SLC38A7: variants seen among roughly 807,000 people sequenced by gnomAD.
The protein encoded by SLC38A7 is sodium-coupled neutral amino acid transporter 7.
SLC38A7 carries 29 observed loss-of-function variants against 50.1 expected under a neutral mutation model. The ratio of observed to expected loss-of-function variants is 0.58; its 90% CI spans 0.43 to 0.79. The LOEUF (loss-of-function observed/expected upper bound fraction) is 0.79, where lower values mean the gene tolerates loss of function less well. Among genes scored for constraint, SLC38A7 ranks in the 30% least tolerant of loss-of-function variants. The pLI is 0.00. For missense variants in SLC38A7, 483 were observed against 610.6 expected (o/e 0.79, Z 2.20); for synonymous variants, 244 against 245.9 (o/e 0.99, Z 0.07).
chr16:58,681,296 AC>A (rs1376685514), intron 2 of SLC38A7: 1 of 152,104 alleles, frequency 6.6e-6, no homozygotes, highest in African/African-American at 2.4e-5. Context: ...GGCCTGTCTG[AC>A]CATAGGGCAT....
intron 11 of SLC38A7, 77 bp from the exon 12 acceptor site, chr16:58,667,564 A>C: frequency 1.9e-6 from 2 of 1,075,004 alleles, no homozygotes; most frequent in Non-Finnish European, 2.6e-6. Flanking sequence ...TATAACTGTT[A>C]ATTACTGTAA....
intron 2 of SLC38A7, among the ~76,000 whole-genome samples, chr16:58,682,026 G>C (rs932781294): frequency 6.6e-6 from 1 of 152,088 alleles, no homozygotes; most frequent in Non-Finnish European, 1.5e-5. Flanking sequence ...GTGTGGTGGT[G>C]CACCCCTGTA....
At position 58,665,304 on chromosome 16, in the gene SLC38A7, T is replaced by G. The variant is rs536580745; in HGVS notation, c.*2081A>C. The G allele has an allele frequency of 6.6e-6, 1 of 152,554 alleles. No homozygotes were observed. The highest frequency in any genetic ancestry group is 1.9e-4 in the East Asian group (1 of 5,174). The allele number at this position is 152,554 out of a possible 1,614,324, so 9.5% of individuals were successfully genotyped here. On this transcript the variant is annotated 3_prime_UTR_variant, in exon 12 of 12. Coordinates refer to ENST00000219320, the MANE Select transcript of SLC38A7 (RefSeq NM_018231.3). ...TGTGCAATGACTCCACTTACATCCC[T>G]TGACCCCCGAAACACGGCACTGGGG...
chr16:58,667,398 T>G lies in SLC38A7; in HGVS notation c.1376A>C (p.Asp459Ala), dbSNP rs1597660179. 2 of 1,613,942 alleles carry G rather than the reference T, an allele frequency of 1.2e-6. No individual in the cohort carries two copies. The highest frequency in any genetic ancestry group is 1.3e-5 in the African/African-American group (1 of 75,012). Residue 459 changes from aspartate to alanine, a missense_variant, in exon 12 of 12, where the codon GAT (aspartate) becomes GCT (alanine). Physicochemically the swap from Asp to Ala is moderately radical, Grantham distance 126 (BLOSUM62 -2). Coordinates refer to ENST00000219320, the MANE Select transcript of SLC38A7 (RefSeq NM_018231.3). ...GGGAGGCAGTGGTTATGCCAAGAGA[T>G]CCACAAAGATGGCGTTGGCTGTGGT... Reference protein sequence around the residue: ...GQTTANAIFVDLLA With the variant: ...GQTTANAIFVALLA
chr16:58,676,498 G>C, intron 6 of SLC38A7, 152 bp from the exon 7 acceptor site: 1 of 794,158 alleles, frequency 1.3e-6, no homozygotes, highest in South Asian at 1.6e-5. Context: ...GGGAGAAGAG[G>C]CATCCTTATG....
Position 58,678,188 on chromosome 16 carries a change from C to T in SLC38A7, c.611+145G>A. 1 of 878,612 alleles carries T rather than the reference C, an allele frequency of 1.1e-6. No individual in the cohort carries two copies. Among genetic ancestry groups the T allele is most frequent in the Non-Finnish European group, 1.6e-6 (1 of 609,662 alleles). The allele number at this position is 878,612 out of a possible 1,614,324, so 54.4% of individuals were successfully genotyped here. On this transcript the variant is annotated intron_variant, in intron 5 of 11. Coordinates refer to ENST00000219320, the MANE Select transcript of SLC38A7 (RefSeq NM_018231.3). The surrounding 1 kb of genome is among the most constrained non-coding windows in gnomAD (Gnocchi z 4.0). ...AGAAAAGGATGGTCTTATCTGAAAC[C>T]CTGCAAGCCCCGGTCTGCCCTGCCT...
chr16:58,670,194 A>T, intron 10 of SLC38A7, 27 bp from the exon 11 acceptor site: 1 of 1,612,950 alleles, frequency 6.2e-7, no homozygotes, highest in Non-Finnish European at 8.5e-7. Flanking sequence ...GGCCCTGAGC[A>T]TTTGTGAGGG....
rs148567685 is a variant in SLC38A7, at chr16:58,671,218, C to T, written c.1058G>A (p.Arg353His). Reference protein sequence around the residue: ...GRAVVEGLWLRYQGVPVEEDV... With the variant: ...GRAVVEGLWLHYQGVPVEEDV... ...CTCCTCCACTGGCACCCCCTGGTAG[C>T]GCAGCCACAGGCCTTCCACCACCGC... is the stretch of plus-strand genomic sequence containing the variant. The change falls in exon 10 of 12, where the codon CGC becomes CAC. Residue 353 changes from arginine (R) to histidine (H), a missense_variant. Coordinates refer to ENST00000219320, the MANE Select transcript of SLC38A7 (RefSeq NM_018231.3). The T allele has an allele frequency of 8.1e-6, 13 of 1,613,740 alleles. No individual in the cohort carries two copies. Among genetic ancestry groups the T allele is most frequent in the East Asian group, 2.2e-5 (1 of 44,888 alleles).
intron 2 of SLC38A7, among the ~76,000 whole-genome samples, chr16:58,683,310 C>T (rs961372061): frequency 6.6e-6 from 1 of 152,170 alleles, no homozygotes; most frequent in Non-Finnish European, 1.5e-5. Context: ...CTAACAAGAC[C>T]CCTTGGACTA....
chr16:58,670,894 G>T, intron 10 of SLC38A7, 151 bp downstream of exon 10: 1 of 795,872 alleles, frequency 1.3e-6, no homozygotes, highest in Non-Finnish European at 2.1e-6. Flanking sequence ...ATAATGCTTG[G>T]ATAGGGGCTA....
chr16:58,681,872 C>G (rs1330565300), intron 2 of SLC38A7: 1 of 152,144 alleles, frequency 6.6e-6, no homozygotes, highest in Non-Finnish European at 1.5e-5. Flanking sequence ...AAACCAGAGC[C>G]TGGGCCGGGT....
At position 58,679,881 on chromosome 16, in the gene SLC38A7, C is replaced by T; in HGVS notation, c.246G>A (p.Val82=). 2 of 1,613,924 alleles carry T rather than the reference C, an allele frequency of 1.2e-6. 1 individual carries two copies. Among genetic ancestry groups the T allele is most frequent in the East Asian group, 4.5e-5 (2 of 44,872 alleles). The change falls in exon 3 of 12, where the codon GTG becomes GTA. Residue 82 remains valine (V), a synonymous_variant. Transcript: ENST00000219320. ...FPAAFSTAGG[V]AAGIALQMGM... is the part of the protein sequence containing the mutation. ...CCATCTGCAGTGCGATGCCTGCTGC[C>T]ACGCCCCCCGCAGTGCTGAAGGCTG...
At chr16:58,671,513 G>A in intron 9 of SLC38A7, 1 of 553,836 alleles carries the variant, frequency 1.8e-6, no homozygotes, top group Non-Finnish European at 3.2e-6. Context: ...GCATCCAAAG[G>A]GGAGGGTGTC....
intron 10 of SLC38A7, 78 bp downstream of exon 10, chr16:58,670,967 C>A: frequency 6.7e-7 from 1 of 1,484,432 alleles, no homozygotes; most frequent in Non-Finnish European, 9.2e-7. Flanking sequence ...ATGTTTTGAG[C>A]AAGTAGGGAG....
rs2044362535 is a variant in SLC38A7 at position 58,680,282 on chromosome 16, G to A, written c.-115-41C>T. ...GCAGGCACTACTGTTATCCTAAGATGGGGGAACTAGGGGACAAAAAGGTGT... is the reference window on the plus strand; with the variant it reads ...GCAGGCACTACTGTTATCCTAAGATAGGGGAACTAGGGGACAAAAAGGTGT... On this transcript the variant is annotated intron_variant, in intron 2 of 11. Transcript: ENST00000219320. The A allele has an allele frequency of 3.9e-6, 3 of 768,744 alleles. No homozygotes were observed. In the Admixed American group the frequency reaches 1.1e-4, roughly 29 times the overall value. The allele number at this position is 768,744 out of a possible 1,614,324, so 47.6% of individuals were successfully genotyped here.
In SLC38A7 at chr16:58,678,320, G is replaced by A; in HGVS notation, c.611+13C>T. On this transcript the variant is annotated intron_variant, in intron 5 of 11. Transcript: ENST00000219320. This position sits in a 1 kb window ranked among gnomAD's most constrained non-coding sequence, Gnocchi z 4.0. Reference sequence around the variant, plus strand: ...TCATAGCTTCTGTCTGACCCAGGCTGGGGCCTCCAAACCTGGCATATTTCT... The same window carrying A: ...TCATAGCTTCTGTCTGACCCAGGCTAGGGCCTCCAAACCTGGCATATTTCT... The A allele has an allele frequency of 2.0e-6, 3 of 1,536,802 alleles. No homozygotes were observed. The highest frequency in any genetic ancestry group is 2.6e-6 in the Non-Finnish European group (3 of 1,140,524).
intron 9 of SLC38A7, chr16:58,671,527 G>T: frequency 1.9e-6 from 1 of 537,298 alleles, no homozygotes; most frequent in Non-Finnish European, 3.3e-6. Flanking sequence ...GGGTGTCCAT[G>T]TGAAAGCTCA....
intron 8 of SLC38A7, chr16:58,675,261 C>T: frequency 2.5e-6 from 1 of 397,816 alleles, no homozygotes; most frequent in South Asian, 2.0e-5. Flanking sequence ...AACCCCAGCA[C>T]TTTGGGAGGC....
At chr16:58,683,251 A>T (rs1404538081) in intron 2 of SLC38A7, among the ~76,000 whole-genome samples, 2 of 152,176 alleles carry the variant, frequency 1.3e-5, no homozygotes, top group Admixed American at 6.6e-5. Context: ...TGCCCTAACC[A>T]TTGGGCCACC....
Sources: gnomAD v4.1 joint callset for allele counts (sites outside exome capture counted in the v4.1 genomes callset) on GRCh38, gnomAD v4.1.1 for gene constraint, Gnocchi (gnomAD v3.1) non-coding constraint, MANE v1.5 for transcripts, NCBI Gene and HGNC (gene_info 2026-07-23, HGNC 2026-07-21) for gene names.